Variants in KASH5 observed in about 807,000 individuals in gnomAD.
KASH5 encodes the protein protein KASH5.
In KASH5, 72 loss-of-function variants were observed where a neutral mutation model predicts 84.2. That is an observed-to-expected ratio of 0.85 (90% CI 0.71 to 1.04). The LOEUF (loss-of-function observed/expected upper bound fraction) is 1.04, where lower values mean the gene tolerates loss of function less well. KASH5 is among the 50% of genes least tolerant of loss of function. KASH5 has a pLI of 0.00. For synonymous variants in KASH5, 260 were observed against 279.1 expected, an observed-to-expected ratio of 0.93 and a Z score of 0.68; for missense variants, 650 against 701.0, an observed-to-expected ratio of 0.93 and a Z score of 0.82.
chr19:49,397,309 T>C (rs1974213073), intron 5 of KASH5, among the ~76,000 whole-genome samples: 1 of 151,792 alleles, frequency 6.6e-6, no homozygotes, highest in Admixed American at 6.6e-5. Flanking sequence ...GGGAGAAGTC[T>C]GGGCTCTGCT....
intron 9 of KASH5, among the ~76,000 whole-genome samples, chr19:49,405,909 T>C (rs928942732): frequency 2.1e-5 from 3 of 141,400 alleles, no homozygotes; most frequent in African/African-American, 8.2e-5. Context: ...TGAACCAAGA[T>C]CATGCCATTG....
At chr19:49,407,546 GCCA>G in intron 11 of KASH5, 63 bp from the exon 12 acceptor site, 4 of 1,183,336 alleles carry the variant, frequency 3.4e-6, no homozygotes, top group South Asian at 2.6e-5. Flanking sequence ...CAGTCCCCCC[GCCA>G]CCACCACCCC....
At chr19:49,391,199 C>A (rs7257053) in intron 2 of KASH5, among the ~76,000 whole-genome samples, 2 of 151,996 alleles carry the variant, frequency 1.3e-5, no homozygotes, top group South Asian at 2.1e-4. Context: ...GATCGCGGCC[C>A]AGATGGCACT....
Position 49,412,735 on chromosome 19 carries a change from A to G in KASH5, c.1270-233A>G, listed in dbSNP as rs1974760550. On this transcript the variant is annotated intron_variant, in intron 15 of 19. Coordinates refer to ENST00000447857, the MANE Select transcript of KASH5 (RefSeq NM_144688.5). The surrounding 1 kb of genome is among the most constrained non-coding windows in gnomAD (Gnocchi z 4.6). Reference sequence around the variant, plus strand: ...GGAAGGGGGCTTGGTGGCATCGAGAACAACCCTTTGGTTTTTGGCTTCTGC... The same window carrying G: ...GGAAGGGGGCTTGGTGGCATCGAGAGCAACCCTTTGGTTTTTGGCTTCTGC... Among the ~76,000 whole-genome samples, 1 of 152,170 alleles carries G rather than the reference A, an allele frequency of 6.6e-6. No individual in the cohort carries two copies. The highest frequency in any genetic ancestry group is 6.5e-5 in the Admixed American group (1 of 15,274).
intron 1 of KASH5, among the ~76,000 whole-genome samples, 162 bp from the exon 2 acceptor site, chr19:49,390,627 A>G (rs1973971217): frequency 6.7e-6 from 1 of 150,258 alleles, no homozygotes; most frequent in African/African-American, 2.4e-5. Context: ...TCCAGCCCAC[A>G]CCTCCAATCC....
chr19:49,401,547 G>A (rs1413354752), intron 9 of KASH5, among the ~76,000 whole-genome samples: 1 of 152,158 alleles, frequency 6.6e-6, no homozygotes, highest in Non-Finnish European at 1.5e-5. Context: ...ATGATTCTGA[G>A]AGTGCTCTGG....
intron 2 of KASH5, 117 bp downstream of exon 2, chr19:49,391,043 G>A: frequency 8.6e-7 from 1 of 1,160,720 alleles, no homozygotes; most frequent in South Asian, 1.3e-5. Context: ...CTGAGCCTTT[G>A]CATGGGTGCA....
chr19:49,415,044 C>T, intron 17 of KASH5, 48 bp downstream of exon 17: 1 of 1,555,654 alleles, frequency 6.4e-7, no homozygotes, highest in Non-Finnish European at 8.8e-7. Context: ...ACTCCACACC[C>T]ACAGAGGCTG....
intron 9 of KASH5, among the ~76,000 whole-genome samples, chr19:49,406,440 G>A (rs1300588364): frequency 2.0e-5 from 3 of 152,240 alleles, no homozygotes; most frequent in South Asian, 4.1e-4. Flanking sequence ...GCAGTGGGGC[G>A]ATCTTGGCTC....
chr19:49,390,953 C>T (rs1973983967), intron 2 of KASH5, 27 bp downstream of exon 2: 6 of 1,603,910 alleles, frequency 3.7e-6, no homozygotes, highest in Middle Eastern at 1.7e-4. Context: ...CTATTTGCCC[C>T]GGGGAGGGTG....
In KASH5 at chr19:49,416,353, C is replaced by T. The variant is rs542721064; in HGVS notation, c.1375-662C>T. ...GATTACAGGCACGTGCTACCATGCC[C>T]GGCTAATTTTTGTATTTTTAGTAGA... is the stretch of plus-strand genomic sequence containing the variant. On this transcript the variant is annotated intron_variant, in intron 17 of 19. Transcript: ENST00000447857. This position sits in a 1 kb window ranked among gnomAD's most constrained non-coding sequence, Gnocchi z 5.4. Among the ~76,000 whole-genome samples the T allele has an allele frequency of 4.6e-5, 7 of 152,038 alleles. No homozygotes were observed. The highest frequency in any genetic ancestry group is 9.7e-5 in the African/African-American group (4 of 41,392).
intron 2 of KASH5, among the ~76,000 whole-genome samples, chr19:49,392,299 G>A (rs1431187636): frequency 6.6e-6 from 1 of 151,906 alleles, no homozygotes; most frequent in Non-Finnish European, 1.5e-5. Context: ...CAAGCGACAT[G>A]GAGGCAGAGA....
At chr19:49,397,347 G>T (rs1474555404) in intron 5 of KASH5, among the ~76,000 whole-genome samples, 1 of 152,146 alleles carries the variant, frequency 6.6e-6, no homozygotes, top group East Asian at 1.9e-4. Context: ...GAGCAAGGGA[G>T]CCAGGTCCGC....
At position 49,414,460 on chromosome 19, in the gene KASH5, G is replaced by A. The variant is rs1974827777; in HGVS notation, c.1329-491G>A. Among the ~76,000 whole-genome samples the A allele has an allele frequency of 6.6e-6, 1 of 152,176 alleles. No homozygotes were observed. Among genetic ancestry groups the A allele is most frequent in the East Asian group, 1.9e-4 (1 of 5,176 alleles). ...ACCCACTAGACAGGAAGGGGGTTTC[G>A]ACACGTGCTCTGGGGTCTTACAGAG... On this transcript the variant is annotated intron_variant, in intron 16 of 19. Transcript: ENST00000447857. The surrounding 1 kb of genome is among the most constrained non-coding windows in gnomAD (Gnocchi z 4.5).
In KASH5 at chr19:49,409,933, T is replaced by TGCC. The variant is rs1266003093; in HGVS notation, c.1269+62_1269+64dup. On this transcript the variant is annotated intron_variant, in intron 15 of 19. Coordinates refer to ENST00000447857, the MANE Select transcript of KASH5 (RefSeq NM_144688.5). ...CTGGAAAGGGGCCAGGAGCTCCAGG[T>TGCC]GCCGCCCTGGCCAGCCCATTCACTC... is the stretch of plus-strand genomic sequence containing the variant. 9.4e-6 allele frequency: 15 copies of TGCC among 1,593,256 alleles called. No individual in the cohort carries two copies. The African/African-American group carries it at 9.4e-5, about 10-fold the overall frequency.
At chr19:49,411,626 G>A (rs546312372) in intron 15 of KASH5, among the ~76,000 whole-genome samples, 13 of 152,284 alleles carry the variant, frequency 8.5e-5, no homozygotes, top group African/African-American at 2.9e-4. Flanking sequence ...GGCTTGTCAA[G>A]GGGAAGACTG....
rs889149220 is a variant in KASH5, at chr19:49,416,106, A to C, written c.1375-909A>C. 3.3e-5 allele frequency among the ~76,000 whole-genome samples: 5 copies of C among 152,248 alleles called. No homozygotes were observed. Among genetic ancestry groups the C allele is most frequent in the African/African-American group, 1.2e-4 (5 of 41,460 alleles). ...AGTGTGGTTGCTGGGTGAAAGATCA[A>C]AATAAAAAATCATATTTCAGTATAG... On this transcript the variant is annotated intron_variant, in intron 17 of 19. Transcript: ENST00000447857. The surrounding 1 kb of genome is among the most constrained non-coding windows in gnomAD (Gnocchi z 5.4).
rs768361624 is a variant in KASH5 at position 49,399,415 on chromosome 19, G to A, written c.748-42G>A. 22 of 1,576,826 alleles carry A rather than the reference G, an allele frequency of 1.4e-5. No individual in the cohort carries two copies. The highest frequency in any genetic ancestry group is 1.9e-5 in the Non-Finnish European group (22 of 1,154,136). On this transcript the variant is annotated intron_variant, in intron 8 of 19. Coordinates refer to ENST00000447857, the MANE Select transcript of KASH5 (RefSeq NM_144688.5). The surrounding 1 kb of genome is among the most constrained non-coding windows in gnomAD (Gnocchi z 4.4). ...GAGAAGGGCAACATGGGGGCAAGGA[G>A]GCTAGAAATGAAACCTTTGTCCTCT... is the stretch of plus-strand genomic sequence containing the variant.
At position 49,399,053 on chromosome 19, in the gene KASH5, GCC is replaced by G. The variant is rs1335359057; in HGVS notation, c.659_660del (p.Ala220AspfsTer3). Reference protein sequence around the residue: ...STQQALQFAKAMDEELEDLKT... With the variant: ...STQQALQFAKXMDEELEDLKT... ...CCAGCAGGCCCTGCAGTTTGCCAAG[GCC>G]ATGGATGAGGAGCTGGAGGACCTGA... On this transcript the variant is annotated frameshift_variant, in exon 8 of 20. Coordinates refer to ENST00000447857, the MANE Select transcript of KASH5 (RefSeq NM_144688.5). LOFTEE classifies it high-confidence loss of function. The surrounding 1 kb of genome is among the most constrained non-coding windows in gnomAD (Gnocchi z 4.4). 6.4e-6 allele frequency: 10 copies of G among 1,551,496 alleles called. No individual in the cohort carries two copies. The highest frequency in any genetic ancestry group is 8.7e-6 in the Non-Finnish European group (10 of 1,146,956).
Sources: allele counts gnomAD v4.1 joint callset (sites outside exome capture counted in the v4.1 genomes callset), GRCh38; gene constraint gnomAD v4.1.1; non-coding constraint Gnocchi (gnomAD v3.1); transcripts MANE v1.5; gene names NCBI Gene and HGNC (gene_info 2026-07-23, HGNC 2026-07-21).